Variants in ENOX2 observed in about 807,000 individuals in gnomAD.
ENOX2 encodes ecto-NOX disulfide-thiol exchanger 2.
ENOX2 carries 36 observed loss-of-function variants against 45.0 expected under a neutral mutation model. That is an observed-to-expected ratio of 0.80 (90% CI 0.61 to 1.06). The LOEUF is 1.06. Among genes scored for constraint, ENOX2 ranks in the 50% least tolerant of loss-of-function variants. ENOX2 has a pLI of 0.00. For synonymous variants in ENOX2, 174 were observed against 152.3 expected (o/e 1.14, Z -1.05); for missense variants, 423 against 462.5 (o/e 0.91, Z 0.78).
chrX:130,672,187 C>T (rs2037007358), intron 6 of ENOX2, among the ~76,000 whole-genome samples: 1 of 112,193 alleles, frequency 8.9e-6, no homozygotes, highest in African/African-American at 3.2e-5. Context: ...AAAAAAACAT[C>T]AACAGACAGG....
intron 2 of ENOX2, among the ~76,000 whole-genome samples, chrX:130,844,539 C>T (rs760331881): frequency 8.9e-6 from 1 of 111,750 alleles, no homozygotes; most frequent in East Asian, 2.8e-4. Context: ...GATGTTAAAT[C>T]GTTACACGAT....
At chrX:130,629,178 C>A (rs939453675) in intron 13 of ENOX2, among the ~76,000 whole-genome samples, 1 of 112,177 alleles carries the variant, frequency 8.9e-6, no homozygotes, top group African/African-American at 3.2e-5. Flanking sequence ...TAGAACATTA[C>A]TTTATTCTTA....
chrX:130,679,487 T>G (rs760866368), intron 6 of ENOX2, 55 bp downstream of exon 6: 58 of 993,261 alleles, frequency 5.8e-5, no homozygotes, highest in Non-Finnish European at 7.9e-5. Flanking sequence ...AATAGTTCTA[T>G]CTTTAATATC....
Position 130,637,298 on chromosome X carries a change from G to T in ENOX2, c.1242C>A (p.His414Gln). 1 of 1,211,167 alleles carries T rather than the reference G, an allele frequency of 8.3e-7. No individual in the cohort carries two copies. The highest frequency in any genetic ancestry group is 1.1e-6 in the Non-Finnish European group (1 of 894,933). ...ELLKQEQGKV[H>Q]REDDPNKEQQ... ...GTTCTTTGTTAGGGTCATCTTCTCT[G>T]TGGACTTTGCCTTGTTCTTGCTTGA... Residue 414 changes from histidine to glutamine, a missense_variant, in exon 11 of 15, where the codon CAC becomes CAA. This residue lies in a region of ENOX2 where 108 missense variants were observed against 70.6 expected (regional missense o/e 1.53). Coordinates refer to ENST00000394363, the MANE Select transcript of ENOX2 (RefSeq NM_006375.4).
chrX:130,872,427 C>G, intron 2 of ENOX2, among the ~76,000 whole-genome samples: 1 of 111,775 alleles, frequency 8.9e-6, no homozygotes, highest in Non-Finnish European at 1.9e-5. Context: ...TTGCATGTTT[C>G]CGCATGGTGG....
intron 3 of ENOX2, among the ~76,000 whole-genome samples, chrX:130,763,229 G>A (rs182090359): frequency 2.7e-5 from 3 of 110,500 alleles, no homozygotes; most frequent in East Asian, 5.7e-4. Context: ...GGGGAGGGGG[G>A]TGTTATTGCC....
At chrX:130,792,609 A>G (rs1380742947) in intron 2 of ENOX2, among the ~76,000 whole-genome samples, 1 of 111,276 alleles carries the variant, frequency 9.0e-6, no homozygotes, top group Non-Finnish European at 1.9e-5. Flanking sequence ...CCTGACCAAC[A>G]TGGTGAAACC....
intron 3 of ENOX2, among the ~76,000 whole-genome samples, chrX:130,749,883 T>C (rs1336009537): frequency 1.8e-5 from 2 of 110,403 alleles, no homozygotes; most frequent in Non-Finnish European, 3.8e-5. Context: ...TCTCAGTCCA[T>C]CCATCAATTC....
chrX:130,630,818 C>T (rs1044960550), intron 13 of ENOX2, among the ~76,000 whole-genome samples: 1 of 111,003 alleles, frequency 9.0e-6, no homozygotes, highest in Non-Finnish European at 1.9e-5. Context: ...CAGGACTGAG[C>T]CCTTAAACTC....
chrX:130,755,893 C>T (rs1408583155), intron 3 of ENOX2, among the ~76,000 whole-genome samples: 6 of 110,873 alleles, frequency 5.4e-5, no homozygotes, highest in Non-Finnish European at 1.1e-4. Context: ...CCTTCCCAGC[C>T]TCTGGTAACC....
chrX:130,806,610 C>G (rs1169326387), intron 2 of ENOX2, among the ~76,000 whole-genome samples: 2 of 112,025 alleles, frequency 1.8e-5, no homozygotes, highest in African/African-American at 6.5e-5. Context: ...GGGCTTTGTG[C>G]TAATCATTCA....
chrX:130,685,480 T>C (rs1212374562), intron 5 of ENOX2, among the ~76,000 whole-genome samples: 2 of 111,848 alleles, frequency 1.8e-5, no homozygotes, highest in Non-Finnish European at 3.8e-5. Context: ...TAGAAGGCTA[T>C]TACAATAATT....
intron 9 of ENOX2, among the ~76,000 whole-genome samples, chrX:130,663,562 C>T (rs974055466): frequency 1.0e-4 from 11 of 107,560 alleles, no homozygotes; most frequent in Admixed American, 9.9e-5. Flanking sequence ...AGTATTGTGA[C>T]CTAGGCAAAT....
At chrX:130,887,348 C>T (rs368131364) in intron 2 of ENOX2, among the ~76,000 whole-genome samples, 1 of 110,636 alleles carries the variant, frequency 9.0e-6, no homozygotes, top group East Asian at 2.9e-4. Flanking sequence ...CCCCACTATA[C>T]CCTATCCCTA....
In ENOX2 at chrX:130,667,753, T is replaced by C. The variant is rs770305906; in HGVS notation, c.695-11A>G. 2.6e-6 allele frequency: 3 copies of C among 1,159,795 alleles called. No homozygotes were observed. The Admixed American group carries it at 6.7e-5, about 26-fold the overall frequency. The stretch of plus-strand genomic sequence containing the variant: ...AGAATTTGGAATCATCTGAAAAAAA[T>C]ATATTTTTATAACCAACAAAGGTAA... On this transcript the variant is annotated splice_polypyrimidine_tract_variant and intron_variant, in intron 7 of 14. Transcript: ENST00000394363.
chrX:130,688,803 G>C, intron 5 of ENOX2, 60 bp downstream of exon 5: 1 of 923,794 alleles, frequency 1.1e-6, no homozygotes, highest in Non-Finnish European at 1.5e-6. Context: ...TGAGAAAGAA[G>C]AAAGCTTTCT....
intron 5 of ENOX2, among the ~76,000 whole-genome samples, chrX:130,684,741 T>C (rs758929416): frequency 7.1e-5 from 8 of 111,983 alleles, no homozygotes; most frequent in South Asian, 3.8e-4. Context: ...CTACAAATTA[T>C]ATAGTTGGTT....
rs753211264 is a variant in ENOX2, at chrX:130,623,736, G to A, written c.*1578C>T. On this transcript the variant is annotated 3_prime_UTR_variant, in exon 15 of 15. Transcript: ENST00000394363. ...TGGTGCCACAGCAGGGTGCTTCAGG[G>A]GGAAGCCAGTTTTCAGCACGAATGG... 1.8e-5 allele frequency: 2 copies of A among 111,176 alleles called. No homozygotes were observed. The highest frequency in any genetic ancestry group is 3.8e-5 in the Non-Finnish European group (2 of 53,087). 9.2% of individuals were successfully genotyped at this position (111,176 alleles called of 1,213,427 possible).
chrX:130,709,159 C>T, intron 3 of ENOX2: 1 of 831,888 alleles, frequency 1.2e-6, no homozygotes, highest in South Asian at 2.1e-5. Flanking sequence ...TTTACTGTGA[C>T]TAGCTCAAAG....
Sources: gnomAD v4.1 joint callset for allele counts (sites outside exome capture counted in the v4.1 genomes callset) on GRCh38, gnomAD v4.1.1 for gene constraint, gnomAD v4.1.1 regional missense constraint, MANE v1.5 for transcripts, NCBI Gene and HGNC (gene_info 2026-07-23, HGNC 2026-07-21) for gene names.